CDH12: variants seen among roughly 807,000 people sequenced by gnomAD.
CDH12 encodes the protein cadherin 12.
Under a neutral mutation model 74.1 loss-of-function variants are expected in CDH12, and 41 were observed. The observed-to-expected ratio is 0.55, with a 90% confidence interval of 0.43 to 0.72. CDH12 has a LOEUF of 0.72. Ranked by LOEUF, CDH12 falls within the 30% of genes least tolerant of loss-of-function variation. CDH12 has a pLI of 0.00. For synonymous variants in CDH12, 399 were observed against 355.0 expected (o/e 1.12, Z -1.39); for missense variants, 945 against 977.2 (o/e 0.97, Z 0.44).
chr5:22,117,478 T>TTA (rs375412033), intron 4 of CDH12, among the ~76,000 whole-genome samples: 9,607 of 66,120 alleles, frequency 0.15, 670 homozygotes, highest in East Asian at 0.27. Context: ...AATATATATA[T>TTA]TATATATATA....
At chr5:22,783,339 A>C (rs1747474136) in intron 1 of CDH12, among the ~76,000 whole-genome samples, 2 of 152,118 alleles carry the variant, frequency 1.3e-5, no homozygotes, top group Admixed American at 1.3e-4. Context: ...CAAAGCTGTG[A>C]GATGAATGGT....
At chr5:22,033,778 C>T (rs886891857) in intron 5 of CDH12, among the ~76,000 whole-genome samples, 5 of 152,086 alleles carry the variant, frequency 3.3e-5, no homozygotes, top group Non-Finnish European at 5.9e-5. Flanking sequence ...TAAAGTGGGA[C>T]GAACCCTGTA....
chr5:22,797,183 T>TAAAAAA (rs58951425), intron 1 of CDH12, among the ~76,000 whole-genome samples: 3 of 86,248 alleles, frequency 3.5e-5, no homozygotes, highest in Non-Finnish European at 4.9e-5. Context: ...AGTGCCTTTA[T>TAAAAAA]AAAAAAAAAA....
chr5:22,530,382 A>G (rs1013354083), intron 1 of CDH12, among the ~76,000 whole-genome samples: 3 of 152,152 alleles, frequency 2.0e-5, no homozygotes, highest in Non-Finnish European at 4.4e-5. Context: ...AAGTCTGGTA[A>G]AATATTTTTG....
At chr5:21,919,079 A>G (rs1375636040) in intron 6 of CDH12, among the ~76,000 whole-genome samples, 1 of 152,158 alleles carries the variant, frequency 6.6e-6, no homozygotes, top group Non-Finnish European at 1.5e-5. Context: ...AACCAATATG[A>G]TAACTGATAT....
intron 5 of CDH12, among the ~76,000 whole-genome samples, chr5:22,069,221 C>A (rs1741774859): frequency 6.6e-6 from 1 of 152,130 alleles, no homozygotes; most frequent in South Asian, 2.1e-4. Context: ...AACCCATGCT[C>A]ATGGAATTCA....
intron 1 of CDH12, among the ~76,000 whole-genome samples, chr5:22,606,538 C>T (rs1284427932): frequency 6.6e-6 from 1 of 152,146 alleles, no homozygotes; most frequent in African/African-American, 2.4e-5. Flanking sequence ...AAAGGGCTCC[C>T]TCCTTCACTC....
In CDH12 at chr5:22,180,819, C is replaced by T. The variant is rs563424794; in HGVS notation, c.-187+31679G>A. Among the ~76,000 whole-genome samples, 155 of 152,052 alleles carry T rather than the reference C, an allele frequency of 1.0e-3. 1 individual carries two copies. The highest frequency in any genetic ancestry group is 3.7e-3 in the African/African-American group (152 of 41,472). Reference sequence around the variant, plus strand: ...CCCAGCCAGTTTTTGAATTTGAATGCCCATAGAGAATACACTGCAGTTACC... The same window carrying T: ...CCCAGCCAGTTTTTGAATTTGAATGTCCATAGAGAATACACTGCAGTTACC... On this transcript the variant is annotated intron_variant, in intron 4 of 14. Transcript: ENST00000382254.
chr5:22,793,427 G>C (rs1038776268), intron 1 of CDH12, among the ~76,000 whole-genome samples: 4 of 152,132 alleles, frequency 2.6e-5, no homozygotes, highest in African/African-American at 9.7e-5. Context: ...ACTTTAACTA[G>C]TTATAACTAC....
intron 1 of CDH12, among the ~76,000 whole-genome samples, chr5:22,595,834 T>C (rs1048099999): frequency 2.0e-5 from 3 of 152,042 alleles, no homozygotes; most frequent in Non-Finnish European, 4.4e-5. Flanking sequence ...CCTAGCACTT[T>C]GGGAGGCCAG....
chr5:22,662,406 C>G (rs1400842247), intron 1 of CDH12, among the ~76,000 whole-genome samples: 3 of 151,998 alleles, frequency 2.0e-5, no homozygotes, highest in Non-Finnish European at 4.4e-5. Flanking sequence ...ATAAAGGAAA[C>G]TGGGAAATGT....
At chr5:22,572,329 T>G (rs920507954) in intron 1 of CDH12, among the ~76,000 whole-genome samples, 1 of 152,214 alleles carries the variant, frequency 6.6e-6, no homozygotes, top group Admixed American at 6.5e-5. Context: ...TGGGTCAATA[T>G]TTTTCATCTT....
At chr5:21,862,905 G>T (rs1284638183) in intron 6 of CDH12, among the ~76,000 whole-genome samples, 1 of 152,066 alleles carries the variant, frequency 6.6e-6, no homozygotes, top group Non-Finnish European at 1.5e-5. Context: ...CAATTGGAAA[G>T]CTGAAATGAA....
intron 2 of CDH12, among the ~76,000 whole-genome samples, chr5:22,463,245 C>A (rs1243769685): frequency 1.4e-5 from 2 of 142,854 alleles, no homozygotes; most frequent in African/African-American, 5.2e-5. Flanking sequence ...GTGTAAAATG[C>A]CACAATGCTT....
At chr5:21,937,688 A>C (rs1055701407) in intron 6 of CDH12, among the ~76,000 whole-genome samples, 2 of 152,180 alleles carry the variant, frequency 1.3e-5, no homozygotes, top group African/African-American at 4.8e-5. Context: ...GGGCCCATCC[A>C]TAAACTTGAC....
At chr5:21,807,516 A>G (rs11955399) in intron 9 of CDH12, among the ~76,000 whole-genome samples, 102,642 of 152,002 alleles carry the variant, frequency 0.68, 36,173 homozygotes, top group Non-Finnish European at 0.78. Flanking sequence ...AAAAAACTAA[A>G]TGAAATGTTA....
chr5:22,195,005 T>C (rs1750540586), intron 4 of CDH12, among the ~76,000 whole-genome samples: 1 of 152,216 alleles, frequency 6.6e-6, no homozygotes, highest in African/African-American at 2.4e-5. Context: ...GATCCTGAGC[T>C]ATCATAAAGG....
intron 2 of CDH12, among the ~76,000 whole-genome samples, chr5:22,461,131 G>A (rs1272727819): frequency 3.4e-5 from 5 of 145,282 alleles, no homozygotes; most frequent in South Asian, 2.2e-4. Context: ...GGGTTCAAGC[G>A]ATTCTCCTGC....
At chr5:22,529,714 C>T (rs1426207878) in intron 1 of CDH12, among the ~76,000 whole-genome samples, 3 of 152,160 alleles carry the variant, frequency 2.0e-5, no homozygotes, top group African/African-American at 7.2e-5. Flanking sequence ...ATACAATTGA[C>T]CATCACAGTC....
Sources: gnomAD v4.1 joint callset for allele counts (sites outside exome capture counted in the v4.1 genomes callset) on GRCh38, gnomAD v4.1.1 for gene constraint, MANE v1.5 for transcripts, NCBI Gene and HGNC (gene_info 2026-07-23, HGNC 2026-07-21) for gene names.